The following POLQ variants were observed in gnomAD, a reference collection of about 807,000 sequenced individuals.
The protein encoded by POLQ is DNA polymerase theta.
Under a neutral mutation model 259.2 loss-of-function variants are expected in POLQ, and 233 were observed. That is an observed-to-expected ratio of 0.90 (90% CI 0.81 to 1.00). The LOEUF (loss-of-function observed/expected upper bound fraction) is 1.00, where lower values mean the gene tolerates loss of function less well. Ranked by LOEUF, POLQ falls within the 50% of genes least tolerant of loss-of-function variation. POLQ has a pLI of 0.00. For synonymous variants in POLQ, 1,025 were observed against 1,048.8 expected (o/e 0.98, Z 0.44); for missense variants, 2,871 against 3,051.6 (o/e 0.94, Z 1.39).
chr3:121,490,537 CT>C (rs2048059941), intron 15 of POLQ, 129 bp from the exon 16 acceptor site: 7 of 744,806 alleles, frequency 9.4e-6, no homozygotes, highest in Non-Finnish European at 1.5e-5. Context: ...AGAAATGTAT[CT>C]GCTCTCATGG....
intron 4 of POLQ, among the ~76,000 whole-genome samples, chr3:121,537,903 A>C (rs2048461643): frequency 6.6e-6 from 1 of 152,194 alleles, no homozygotes; most frequent in South Asian, 2.1e-4. Context: ...CCATAAATCA[A>C]AAATCATATT....
chr3:121,474,678 G>C (rs191485211), intron 20 of POLQ, among the ~76,000 whole-genome samples: 3 of 152,162 alleles, frequency 2.0e-5, no homozygotes, highest in Non-Finnish European at 4.4e-5. Context: ...GTTTGAACTG[G>C]GGTTTTAGGA....
Position 121,452,052 on chromosome 3 carries a change from G to A in POLQ, c.7153-2626C>T, listed in dbSNP as rs539820225. Among the ~76,000 whole-genome samples the A allele has an allele frequency of 1.1e-4, 16 of 152,342 alleles. No individual in the cohort carries two copies. The South Asian group carries it at 2.7e-3, about 26-fold the overall frequency. On this transcript the variant is annotated intron_variant, in intron 25 of 29. Coordinates refer to ENST00000264233, the MANE Select transcript of POLQ (RefSeq NM_199420.4). The stretch of plus-strand genomic sequence containing the variant: ...GATCTCAGACTGCTGTGCTAGCAAT[G>A]AGCGAGGCTCCATGGACATGGTAGC...
chr3:121,501,892 AG>A (rs375051313), intron 12 of POLQ, among the ~76,000 whole-genome samples: 16 of 149,612 alleles, frequency 1.1e-4, no homozygotes, highest in Non-Finnish European at 1.3e-4. Context: ...CGGGAGGCTG[AG>A]GCATGAGAAT....
In POLQ at chr3:121,489,543, T is replaced by A. The variant is rs77744524; in HGVS notation, c.3388A>T (p.Asn1130Tyr). The A allele has an allele frequency of 6.1e-4, 980 of 1,613,288 alleles. 7 individuals carry two copies. The African/African-American group carries it at 0.012, about 19-fold the overall frequency. ...QNCSWNITLT[N>Y]DNFVEHIVTG... ...ACAATATGCTCCACAAAATTATCAT[T>A]AGTTAGTGTTATGTTCCATGAACAA... The change falls in exon 16 of 30, where the codon AAT becomes TAT. Residue 1130 changes from asparagine (N) to tyrosine (Y), a missense_variant. Physicochemically the swap from Asn to Tyr is moderately radical, Grantham distance 143. Around this residue, in one of 3 missense-constraint regions of POLQ, gnomAD observed 2,080 missense variants for 2,126.0 expected, o/e 0.98. Coordinates refer to ENST00000264233, the MANE Select transcript of POLQ (RefSeq NM_199420.4).
At chr3:121,440,179 G>A (rs916871465) in intron 26 of POLQ, 63 bp from the exon 27 acceptor site, 1 of 1,323,672 alleles carries the variant, frequency 7.6e-7, no homozygotes, top group African/African-American at 1.5e-5. Flanking sequence ...TCATTCACTG[G>A]CTTAAATATG....
At position 121,489,590 on chromosome 3, in the gene POLQ, A is replaced by G; in HGVS notation, c.3341T>C (p.Phe1114Ser). The G allele has an allele frequency of 6.2e-7, 1 of 1,613,148 alleles. No individual in the cohort carries two copies. The highest frequency in any genetic ancestry group is 1.1e-5 in the South Asian group (1 of 90,840). ...SGKEKDNKTS[F>S]PLQIKQNCSW... ...ACAATTTTGCTTTATTTGTAATGGG[A>G]ATGATGTTTTATTATCTTTTTCCTT... The change falls in exon 16 of 30, where the codon TTC becomes TCC. Residue 1114 changes from phenylalanine to serine, a missense_variant. This residue lies in a region of POLQ where 2,080 missense variants were observed against 2,126.0 expected (regional missense o/e 0.98). Transcript: ENST00000264233.
chr3:121,518,379 A>G (rs1476949971), intron 9 of POLQ, among the ~76,000 whole-genome samples: 6 of 152,228 alleles, frequency 3.9e-5, no homozygotes, highest in African/African-American at 1.4e-4. Flanking sequence ...TAACTAGCCC[A>G]TTAAAAAGAA....
intron 25 of POLQ, among the ~76,000 whole-genome samples, chr3:121,457,162 G>C (rs1366844989): frequency 6.6e-6 from 1 of 152,132 alleles, no homozygotes. Flanking sequence ...AAATGGTGCT[G>C]GGAAAACTGG....
Position 121,488,157 on chromosome 3 carries a change from C to A in POLQ, c.4774G>T (p.Glu1592Ter). 6.2e-7 allele frequency: 1 copy of A among 1,613,254 alleles called. No homozygotes were observed. The highest frequency in any genetic ancestry group is 8.5e-7 in the Non-Finnish European group (1 of 1,179,502). Reference protein sequence around the residue: ...NHTVVSPRALELSDPVLDEHH... With the variant: ...NHTVVSPRAL ...TCATCAAGTACTGGATCACTTAGTT[C>A]TAATGCTCTAGGAGATACTACAGTA... The change falls in exon 16 of 30, where the codon GAA becomes TAA. Residue 1592 changes from glutamate (E) to a stop codon, truncating the protein, a stop_gained. Transcript: ENST00000264233. LOFTEE classifies it high-confidence loss of function.
intron 9 of POLQ, 77 bp from the exon 10 acceptor site, chr3:121,512,106 C>T: frequency 8.0e-7 from 1 of 1,243,528 alleles, no homozygotes; most frequent in Non-Finnish European, 1.1e-6. Flanking sequence ...TTTAAGTTGC[C>T]TTACTTTGCT....
chr3:121,431,937 G>A lies in POLQ; in HGVS notation c.*367C>T, dbSNP rs778394643. 8 of 176,070 alleles carry A rather than the reference G, an allele frequency of 4.5e-5. No homozygotes were observed. Among genetic ancestry groups the A allele is most frequent in the Non-Finnish European group, 9.5e-5 (8 of 84,088 alleles). 10.9% of individuals were successfully genotyped at this position (176,070 alleles called of 1,614,324 possible). On this transcript the variant is annotated 3_prime_UTR_variant, in exon 30 of 30. Transcript: ENST00000264233. ...ATGGCTGCTGTCTGGGTCGATTGAG[G>A]CAGCAGCTTCATTTTCTTCATGGTT...
intron 14 of POLQ, 97 bp from the exon 15 acceptor site, chr3:121,493,818 T>G: frequency 8.5e-7 from 1 of 1,172,764 alleles, no homozygotes; most frequent in African/African-American, 1.5e-5. Flanking sequence ...GTTTTTTCCC[T>G]GCAAAATTGT....
chr3:121,530,156 G>T (rs772906212), intron 6 of POLQ, among the ~76,000 whole-genome samples: 8 of 152,036 alleles, frequency 5.3e-5, no homozygotes, highest in Non-Finnish European at 1.0e-4. Flanking sequence ...TGGACTTTAT[G>T]ATTTTTTTTT....
chr3:121,507,213 T>C (rs1445410158), intron 12 of POLQ, among the ~76,000 whole-genome samples: 1 of 152,208 alleles, frequency 6.6e-6, no homozygotes, highest in Non-Finnish European at 1.5e-5. Flanking sequence ...CACAGAAATG[T>C]TTTATATATT....
At chr3:121,477,181 A>C (rs2047934373) in intron 19 of POLQ, among the ~76,000 whole-genome samples, 1 of 152,194 alleles carries the variant, frequency 6.6e-6, no homozygotes, top group South Asian at 2.1e-4. Flanking sequence ...GTACAACACA[A>C]AGTTTATTCA....
intron 26 of POLQ, among the ~76,000 whole-genome samples, chr3:121,446,450 G>A (rs985695409): frequency 6.6e-6 from 1 of 152,030 alleles, no homozygotes; most frequent in African/African-American, 2.4e-5. Flanking sequence ...AGGTCCATTT[G>A]GTCTACAGTG....
intron 26 of POLQ, among the ~76,000 whole-genome samples, chr3:121,440,917 ACC>A (rs2047586513): frequency 6.6e-6 from 1 of 152,066 alleles, no homozygotes; most frequent in African/African-American, 2.4e-5. Context: ...AATAAACATG[ACC>A]CACTTCTTAA....
intron 24 of POLQ, among the ~76,000 whole-genome samples, chr3:121,460,515 T>C (rs1240186193): frequency 2.6e-5 from 4 of 152,226 alleles, no homozygotes; most frequent in African/African-American, 9.6e-5. Flanking sequence ...CTACAGCACC[T>C]GGCACATAAT....
Sources: allele counts gnomAD v4.1 joint callset (sites outside exome capture counted in the v4.1 genomes callset), GRCh38; gene constraint gnomAD v4.1.1; regional missense constraint gnomAD v4.1.1; transcripts MANE v1.5; gene names NCBI Gene and HGNC (gene_info 2026-07-23, HGNC 2026-07-21).